The following ZNF398 variants were observed in gnomAD, a reference collection of about 807,000 sequenced individuals.
The protein encoded by ZNF398 is zinc finger protein 398.
Under a neutral mutation model 41.9 loss-of-function variants are expected in ZNF398, and 18 were observed. The observed-to-expected ratio is 0.43, with a 90% CI of 0.30 to 0.64. The LOEUF (loss-of-function observed/expected upper bound fraction) is 0.64. ZNF398 is among the 30% of genes least tolerant of loss of function. ZNF398 has a pLI of 0.14. For synonymous variants in ZNF398, 260 were observed against 308.8 expected (o/e 0.84, Z 1.66); for missense variants, 669 against 822.8 (o/e 0.81, Z 2.29).
chr7:149,176,384 T>C, intron 4 of ZNF398, 84 bp from the exon 5 acceptor site: 1 of 934,096 alleles, frequency 1.1e-6, no homozygotes, highest in South Asian at 1.3e-5. Context: ...TGGGGCAAAA[T>C]ATAGTGTTCA....
rs557421975 is a variant in ZNF398 at position 149,164,962 on chromosome 7, C to T, written c.421-1196C>T. Among the ~76,000 whole-genome samples the T allele has an allele frequency of 2.6e-5, 4 of 151,660 alleles. No individual in the cohort carries two copies. In the South Asian group the frequency reaches 8.3e-4, roughly 32 times the overall value. ...TACAAGAATTAGCGGTGTGTGGTGG[C>T]GGGTGCCCGTAATCCTGGCTACTTG... On this transcript the variant is annotated intron_variant, in intron 2 of 5. Coordinates refer to ENST00000475153, the MANE Select transcript of ZNF398 (RefSeq NM_170686.3).
intron 4 of ZNF398, among the ~76,000 whole-genome samples, chr7:149,168,654 C>T (rs967752431): frequency 6.6e-6 from 1 of 152,028 alleles, no homozygotes; most frequent in Non-Finnish European, 1.5e-5. Context: ...CTGCAACCTC[C>T]GCCTTCCAGG....
intron 2 of ZNF398, among the ~76,000 whole-genome samples, chr7:149,135,718 C>T (rs576007266): frequency 5.2e-4 from 79 of 152,186 alleles, no homozygotes; most frequent in African/African-American, 1.9e-3. Flanking sequence ...CTTTGGGAGG[C>T]TGAAGCAGAC....
chr7:149,161,416 C>T (rs1416765459), intron 2 of ZNF398, among the ~76,000 whole-genome samples: 3 of 152,138 alleles, frequency 2.0e-5, no homozygotes, highest in South Asian at 2.1e-4. Flanking sequence ...AAGATTGACT[C>T]GCCATAGTGG....
At chr7:149,136,696 T>A (rs924686101) in intron 2 of ZNF398, among the ~76,000 whole-genome samples, 8 of 152,048 alleles carry the variant, frequency 5.3e-5, no homozygotes, top group African/African-American at 1.9e-4. Flanking sequence ...GCCTCCCATG[T>A]AGCTGGGATT....
intron 2 of ZNF398, among the ~76,000 whole-genome samples, chr7:149,165,691 A>C (rs1482286598): frequency 3.3e-5 from 5 of 152,200 alleles, no homozygotes; most frequent in Admixed American, 1.3e-4. Flanking sequence ...TTTCCTCCTC[A>C]TGTGCACGAT....
chr7:149,136,400 C>T (rs979336809), intron 2 of ZNF398, among the ~76,000 whole-genome samples: 3 of 152,002 alleles, frequency 2.0e-5, no homozygotes, highest in South Asian at 2.1e-4. Flanking sequence ...GGTTGGCGGC[C>T]GGGCAGAGGT....
chr7:149,140,046 A>C (rs1826789701), intron 2 of ZNF398, among the ~76,000 whole-genome samples: 1 of 152,050 alleles, frequency 6.6e-6, no homozygotes, highest in Non-Finnish European at 1.5e-5. Context: ...AATAAAAGTA[A>C]AATCTGATGA....
intron 2 of ZNF398, among the ~76,000 whole-genome samples, chr7:149,165,573 A>G (rs868027208): frequency 2.6e-5 from 4 of 152,218 alleles, no homozygotes; most frequent in Admixed American, 2.0e-4. Context: ...AGAAAAGACT[A>G]AAGGATACAC....
At chr7:149,137,780 T>G (rs1826744138) in intron 2 of ZNF398, among the ~76,000 whole-genome samples, 1 of 152,246 alleles carries the variant, frequency 6.6e-6, no homozygotes, top group Non-Finnish European at 1.5e-5. Flanking sequence ...GTCAAATCAT[T>G]TTTCTGCATT....
chr7:149,179,796 T>C lies in ZNF398; in HGVS notation c.1924T>C (p.Leu642=). The change falls in exon 6 of 6, where the codon TTG becomes CTG. Residue 642 remains leucine (L), a synonymous_variant. Coordinates refer to ENST00000475153, the MANE Select transcript of ZNF398 (RefSeq NM_170686.3). The surrounding 1 kb of genome is among the most constrained non-coding windows in gnomAD (Gnocchi z 6.1). ...WYGEGSGGGV[L] ...TGGGGAAGGGAGTGGAGGGGGAGTT[T>C]TGTAAATCCAAATCTCTGTGGCTTC... The C allele has an allele frequency of 3.8e-6, 6 of 1,568,288 alleles. No individual in the cohort carries two copies. Among genetic ancestry groups the C allele is most frequent in the Non-Finnish European group, 5.2e-6 (6 of 1,154,754 alleles).
intron 5 of ZNF398, 65 bp from the exon 6 acceptor site, chr7:149,178,583 G>GA (rs747129309): frequency 4.4e-6 from 6 of 1,358,552 alleles, no homozygotes; most frequent in Non-Finnish European, 6.1e-6. Flanking sequence ...AGCTGGGTAG[G>GA]AATGCATGAG....
At chr7:149,174,334 C>T (rs142297065) in intron 4 of ZNF398, among the ~76,000 whole-genome samples, 5 of 152,094 alleles carry the variant, frequency 3.3e-5, no homozygotes, top group Admixed American at 2.6e-4. Context: ...TGTAGCTAGG[C>T]GCGTGCCACC....
At position 149,178,984 on chromosome 7, in the gene ZNF398, C is replaced by G. The variant is rs1173769035; in HGVS notation, c.1112C>G (p.Pro371Arg). The G allele has an allele frequency of 6.2e-7, 1 of 1,614,034 alleles. No individual in the cohort carries two copies. The highest frequency in any genetic ancestry group is 1.3e-5 in the African/African-American group (1 of 74,904). ...AGCCATGCTACTGAGCACCCCTTAC[C>G]CTGTGCCCAGTGCCCTAAGCACTTT... ...QCSHATEHPL[P>R]CAQCPKHFTP... The change falls in exon 6 of 6, where the codon CCC (proline) becomes CGC (arginine). Residue 371 changes from proline to arginine, a missense_variant. Pro to Arg is a moderately radical substitution (Grantham distance 103, BLOSUM62 -2). Coordinates refer to ENST00000475153, the MANE Select transcript of ZNF398 (RefSeq NM_170686.3).
rs941655826 is a variant in ZNF398, at chr7:149,176,411, A to G, written c.662-57A>G. The G allele has an allele frequency of 1.2e-5, 14 of 1,161,942 alleles. No individual in the cohort carries two copies. In the African/African-American group the frequency reaches 1.8e-4, roughly 15 times the overall value. The allele number at this position is 1,161,942 out of a possible 1,614,324, so 72.0% of individuals were successfully genotyped here. A position where few individuals can be genotyped will look rare whatever the true frequency, so the allele number is the denominator to read the frequency against. The stretch of plus-strand genomic sequence containing the variant: ...TAGTGTTCAGCAAACCAACTTGATT[A>G]TCTTACCTTCTTATTCAAGTTCATG... On this transcript the variant is annotated intron_variant, in intron 4 of 5. Coordinates refer to ENST00000475153, the MANE Select transcript of ZNF398 (RefSeq NM_170686.3).
intron 2 of ZNF398, among the ~76,000 whole-genome samples, chr7:149,141,380 C>T (rs1826820201): frequency 1.3e-5 from 2 of 150,200 alleles, no homozygotes; most frequent in Admixed American, 1.3e-4. Context: ...ACTGCAACCT[C>T]TGCCTCCTGG....
intron 1 of ZNF398, chr7:149,148,214 G>GCC: frequency 6.1e-6 from 1 of 163,878 alleles, no homozygotes; most frequent in Non-Finnish European, 1.3e-5. Context: ...CGCGCTGCGT[G>GCC]ACGCCTGGGC....
At chr7:149,172,747 C>T (rs1057350631) in intron 4 of ZNF398, among the ~76,000 whole-genome samples, 1 of 152,104 alleles carries the variant, frequency 6.6e-6, no homozygotes, top group Non-Finnish European at 1.5e-5. Flanking sequence ...AATATGGAAA[C>T]AGCATTAAAG....
chr7:149,154,955 T>C lies in ZNF398; in HGVS notation c.420+615T>C, dbSNP rs1794935701. On this transcript the variant is annotated intron_variant, in intron 2 of 5. Transcript: ENST00000475153. The stretch of plus-strand genomic sequence containing the variant: ...AGTGAGTCGAGATCATGCCACTGCA[T>C]GCCAGGCTGGGCAACAAGAGCAAAA... Among the ~76,000 whole-genome samples the C allele has an allele frequency of 2.1e-5, 3 of 145,244 alleles. 1 individual carries two copies. The South Asian group carries it at 6.6e-4, about 32-fold the overall frequency.
Sources: gnomAD v4.1 joint callset for allele counts (sites outside exome capture counted in the v4.1 genomes callset) on GRCh38, gnomAD v4.1.1 for gene constraint, Gnocchi (gnomAD v3.1) non-coding constraint, MANE v1.5 for transcripts, NCBI Gene and HGNC (gene_info 2026-07-23, HGNC 2026-07-21) for gene names.